The following ATP8A1 variants were observed in gnomAD, a reference collection of about 807,000 sequenced individuals.
The protein encoded by ATP8A1 is ATPase phospholipid transporting 8A1.
A neutral mutation model predicts 177.7 loss-of-function variants in ATP8A1; 90 were observed. The observed-to-expected ratio is 0.51, with a 90% confidence interval of 0.43 to 0.60. ATP8A1 has a LOEUF of 0.60. Among genes scored for constraint, ATP8A1 ranks in the 20% least tolerant of loss-of-function variants. The pLI is 0.00. For synonymous variants in ATP8A1, 493 were observed against 485.9 expected (o/e 1.01, Z -0.19); for missense variants, 1,072 against 1,392.8 (o/e 0.77, Z 3.67).
chr4:42,656,905 C>T lies in ATP8A1; in HGVS notation c.-32G>A, dbSNP rs1453860084. 7.1e-6 allele frequency: 11 copies of T among 1,556,432 alleles called. No homozygotes were observed. Among genetic ancestry groups the T allele is most frequent in the Non-Finnish European group, 7.8e-6 (9 of 1,150,106 alleles). ...GGCGGCTGCAGGTGGGTCCTCAGCC[C>T]GGACTCTGCACCTGTCACGGCGTGG... On this transcript the variant is annotated 5_prime_UTR_variant, in exon 1 of 37. Transcript: ENST00000381668.
chr4:42,547,585 C>T (rs764272454), intron 19 of ATP8A1, among the ~76,000 whole-genome samples: 6 of 152,146 alleles, frequency 3.9e-5, no homozygotes, highest in African/African-American at 1.4e-4. Context: ...TAATGACAGT[C>T]TACAGATATA....
At chr4:42,514,391 A>G (rs2153196212) in intron 22 of ATP8A1, among the ~76,000 whole-genome samples, 1 of 152,372 alleles carries the variant, frequency 6.6e-6, no homozygotes, top group South Asian at 2.1e-4. Context: ...AACCTATCCT[A>G]CCAGAAAGGA....
At chr4:42,644,403 G>A (rs1337520828) in intron 1 of ATP8A1, among the ~76,000 whole-genome samples, 1 of 152,166 alleles carries the variant, frequency 6.6e-6, no homozygotes, top group African/African-American at 2.4e-5. Flanking sequence ...GTTGCCATCT[G>A]GGGTTAAATT....
In ATP8A1 at chr4:42,656,864, T is replaced by G; in HGVS notation, c.10A>C (p.Met4Leu). Residue 4 changes from methionine to leucine, a missense_variant, in exon 1 of 37, where the codon ATG becomes CTG. By Grantham distance (15) the Met-to-Leu change is conservative. Coordinates refer to ENST00000381668, the MANE Select transcript of ATP8A1 (RefSeq NM_006095.2). MPTMRRTVSEIRSR... is the reference protein window; with the variant it reads MPTLRRTVSEIRSR... Reference sequence around the variant, plus strand: ...CGGATCTCCGACACGGTCCTCCGCATGGTGGGCATCGCGGCGGCGGCTGCA... The same window carrying G: ...CGGATCTCCGACACGGTCCTCCGCAGGGTGGGCATCGCGGCGGCGGCTGCA... The G allele has an allele frequency of 6.3e-7, 1 of 1,588,254 alleles. No individual in the cohort carries two copies. Among genetic ancestry groups the G allele is most frequent in the Non-Finnish European group, 8.6e-7 (1 of 1,167,608 alleles).
At chr4:42,434,422 C>T (rs1330896133) in intron 33 of ATP8A1, among the ~76,000 whole-genome samples, 1 of 152,188 alleles carries the variant, frequency 6.6e-6, no homozygotes, top group Non-Finnish European at 1.5e-5. Flanking sequence ...CAATAACCTG[C>T]ATTTCAAGAC....
At chr4:42,473,768 C>A (rs1223116264) in intron 25 of ATP8A1, among the ~76,000 whole-genome samples, 2 of 152,014 alleles carry the variant, frequency 1.3e-5, no homozygotes, top group African/African-American at 4.8e-5. Context: ...ACCTCAGCCT[C>A]CCGAGTAGCT....
chr4:42,606,106 T>C (rs1563846), intron 5 of ATP8A1, among the ~76,000 whole-genome samples: 15 of 152,130 alleles, frequency 9.9e-5, no homozygotes, highest in Admixed American at 7.9e-4. Context: ...CTTTAATGAA[T>C]AGCAGAGATA....
intron 15 of ATP8A1, among the ~76,000 whole-genome samples, chr4:42,565,113 GT>G (rs1474714694): frequency 1.3e-5 from 2 of 152,298 alleles, no homozygotes; most frequent in African/African-American, 4.8e-5. Flanking sequence ...GGGACTGTAA[GT>G]TCAATTAAAC....
intron 25 of ATP8A1, among the ~76,000 whole-genome samples, chr4:42,474,534 C>G (rs1481212029): frequency 6.6e-6 from 1 of 152,186 alleles, no homozygotes; most frequent in African/African-American, 2.4e-5. Context: ...CCTACGCATG[C>G]CTTGGAACAG....
chr4:42,434,400 G>A (rs1715676620), intron 33 of ATP8A1, among the ~76,000 whole-genome samples: 1 of 152,132 alleles, frequency 6.6e-6, no homozygotes, highest in African/African-American at 2.4e-5. Flanking sequence ...TTACAAATCA[G>A]TCTGTAAAAC....
chr4:42,588,120 TA>T, intron 8 of ATP8A1, 139 bp downstream of exon 8: 1 of 598,040 alleles, frequency 1.7e-6, no homozygotes, highest in Non-Finnish European at 2.8e-6. Context: ...TACCAGTTTA[TA>T]AAACCTCTTT....
At chr4:42,621,173 G>A (rs1331648114) in intron 4 of ATP8A1, among the ~76,000 whole-genome samples, 1 of 152,216 alleles carries the variant, frequency 6.6e-6, no homozygotes, top group Non-Finnish European at 1.5e-5. Context: ...TTCTCAGCTA[G>A]TGTCTCCATC....
chr4:42,535,640 A>G (rs1364210534), intron 20 of ATP8A1, among the ~76,000 whole-genome samples: 1 of 152,230 alleles, frequency 6.6e-6, no homozygotes. Context: ...AGAACATTGT[A>G]CCCAACAAAT....
intron 25 of ATP8A1, among the ~76,000 whole-genome samples, chr4:42,482,256 C>A (rs1301092079): frequency 1.3e-4 from 20 of 151,504 alleles, no homozygotes; most frequent in Non-Finnish European, 4.4e-5. Context: ...GAGCTGAGAT[C>A]GCGCCACTGC....
chr4:42,572,445 T>C (rs1213213705), intron 14 of ATP8A1, among the ~76,000 whole-genome samples: 3 of 152,176 alleles, frequency 2.0e-5, no homozygotes. Flanking sequence ...GCTGTAAACA[T>C]GTGGTCAAGT....
intron 22 of ATP8A1, among the ~76,000 whole-genome samples, chr4:42,511,159 G>A (rs1408905490): frequency 6.6e-6 from 1 of 152,122 alleles, no homozygotes; most frequent in African/African-American, 2.4e-5. Flanking sequence ...CTTTCCTTTT[G>A]CCCTGGTATC....
chr4:42,608,720 T>C (rs1056256568), intron 5 of ATP8A1, among the ~76,000 whole-genome samples: 6 of 152,134 alleles, frequency 3.9e-5, no homozygotes, highest in Non-Finnish European at 8.8e-5. Context: ...ACTACTGTTG[T>C]CATAGAGGAA....
chr4:42,473,153 T>C (rs74834639), intron 25 of ATP8A1, among the ~76,000 whole-genome samples: 25,715 of 152,038 alleles, frequency 0.17, 2,405 homozygotes, highest in South Asian at 0.24. Flanking sequence ...CCAGGTGTCA[T>C]TGATTCAAGT....
chr4:42,510,673 T>C (rs372226940), intron 22 of ATP8A1, among the ~76,000 whole-genome samples: 5 of 152,210 alleles, frequency 3.3e-5, no homozygotes, highest in African/African-American at 9.6e-5. Flanking sequence ...ATTAGAAACA[T>C]ATAAACAAAT....
Sources: gnomAD v4.1 joint callset for allele counts (sites outside exome capture counted in the v4.1 genomes callset) on GRCh38, gnomAD v4.1.1 for gene constraint, MANE v1.5 for transcripts, NCBI Gene and HGNC (gene_info 2026-07-23, HGNC 2026-07-21) for gene names.